The following CALB1 variants were observed in gnomAD, a reference collection of about 807,000 sequenced individuals.
The protein encoded by CALB1 is calbindin 1.
CALB1 carries 16 observed loss-of-function variants against 46.7 expected under a neutral mutation model. The observed-to-expected ratio is 0.34, with a 90% CI of 0.23 to 0.52. CALB1 has a LOEUF of 0.52. Among genes scored for constraint, CALB1 ranks in the 20% least tolerant of loss-of-function variants. The pLI is 0.95. For synonymous variants in CALB1, 90 were observed against 112.8 expected (o/e 0.80, Z 1.28); for missense variants, 224 against 300.3 (o/e 0.75, Z 1.88).
intron 6 of CALB1, 41 bp from the exon 7 acceptor site, chr8:90,063,502 A>T: frequency 6.6e-7 from 1 of 1,514,122 alleles, no homozygotes; most frequent in Non-Finnish European, 9.2e-7. Context: ...TTTGAGGAAT[A>T]ATTTATTGCA....
rs1432250162 is a variant in CALB1, at chr8:90,063,325, T to A, written c.507-5A>T. The A allele has an allele frequency of 1.3e-6, 2 of 1,593,098 alleles. No homozygotes were observed. Among genetic ancestry groups the A allele is most frequent in the African/African-American group, 2.7e-5 (2 of 74,166 alleles). ...TTCTCCTGCACTGGTAGTAACCTTT[T>A]GAGAGAAAAACATTATATTAATATA... On this transcript the variant is annotated splice_polypyrimidine_tract_variant and splice_region_variant and intron_variant, in intron 7 of 10. Transcript: ENST00000265431.
intron 3 of CALB1, among the ~76,000 whole-genome samples, chr8:90,077,521 T>G (rs1238418236): frequency 6.6e-6 from 1 of 152,052 alleles, no homozygotes; most frequent in African/African-American, 2.4e-5. Context: ...TTTCAAATTA[T>G]GACCTAATTA....
In CALB1 at chr8:90,060,906, C is replaced by G. The variant is rs1814286063; in HGVS notation, c.601-206G>C. 3 of 548,410 alleles carry G rather than the reference C, an allele frequency of 5.5e-6. No individual in the cohort carries two copies. In the East Asian group the frequency reaches 9.2e-5, roughly 17 times the overall value. The allele number at this position is 548,410 out of a possible 1,614,324, so 34.0% of individuals were successfully genotyped here. On this transcript the variant is annotated intron_variant, in intron 9 of 10. Transcript: ENST00000265431. ...TAGTTACTTCTCATTCAACACCTTA[C>G]ATTTGTAAAAGATCTTGAACTTTTC...
Position 90,060,138 on chromosome 8 carries a change from A to T in CALB1, c.*35T>A, listed in dbSNP as rs914509154. The T allele has an allele frequency of 5.1e-6, 6 of 1,165,610 alleles. No individual in the cohort carries two copies. The African/African-American group carries it at 7.5e-5, about 15-fold the overall frequency. 72.2% of individuals were successfully genotyped at this position (1,165,610 alleles called of 1,614,324 possible). A position where few individuals can be genotyped will look rare whatever the true frequency, so the allele number is the denominator to read the frequency against. On this transcript the variant is annotated 3_prime_UTR_variant, in exon 11 of 11. Transcript: ENST00000265431. ...TAGTGCACAGTTATTTTTTAGATAC[A>T]GTGTATCACTAGCAAGTGGTTGCGG...
chr8:90,068,849 A>T, intron 5 of CALB1, 149 bp downstream of exon 5: 1 of 564,344 alleles, frequency 1.8e-6, no homozygotes, highest in Non-Finnish European at 3.1e-6. Flanking sequence ...TTGATCTGGT[A>T]CTTCATTAAC....
chr8:90,065,382 A>G (rs1287961505), intron 6 of CALB1, among the ~76,000 whole-genome samples: 1 of 151,746 alleles, frequency 6.6e-6, no homozygotes, highest in Non-Finnish European at 1.5e-5. Context: ...GCACCAATAC[A>G]AAACCCCAAA....
intron 6 of CALB1, chr8:90,063,931 T>C (rs1031165140): frequency 3.9e-5 from 6 of 155,548 alleles, no homozygotes; most frequent in African/African-American, 9.7e-5. Context: ...TTATTTTCTA[T>C]TGGGTATTAG....
In CALB1 at chr8:90,060,211, T is replaced by C; in HGVS notation, c.748A>G (p.Thr250Ala). Residue 250 changes from threonine to alanine, a missense_variant, in exon 11 of 11, where the codon ACG (threonine) becomes GCG (alanine). Coordinates refer to ENST00000265431, the MANE Select transcript of CALB1 (RefSeq NM_004929.4). ...ALSDGGKLYRTDLALILCAGD... is the reference protein window; with the variant it reads ...ALSDGGKLYRADLALILCAGD... ...GCACAGAGAATAAGAGCAAGATCCG[T>C]TCGGTACAGCTTCCCTCCATCCGAC... 2.5e-6 allele frequency: 4 copies of C among 1,613,810 alleles called. No homozygotes were observed. The highest frequency in any genetic ancestry group is 3.4e-6 in the Non-Finnish European group (4 of 1,179,710).
Position 90,069,154 on chromosome 8 carries a change from C to T in CALB1, c.315G>A (p.Lys105=). The part of the protein sequence containing the change: ...QQLKSCEEFM[K]TWRKYDTDHS... ...TCTTAAAGGGGCAGCTTTCTTATAC[C>T]TTCATGAATTCCTCACAGGACTTCA... is the stretch of plus-strand genomic sequence containing the variant. The change falls in exon 4 of 11, where the codon AAG becomes AAA. Residue 105 remains lysine, a splice_region_variant and synonymous_variant. Coordinates refer to ENST00000265431, the MANE Select transcript of CALB1 (RefSeq NM_004929.4). 6.2e-7 allele frequency: 1 copy of T among 1,613,748 alleles called. No individual in the cohort carries two copies. Among genetic ancestry groups the T allele is most frequent in the Non-Finnish European group, 8.5e-7 (1 of 1,179,710 alleles).
intron 5 of CALB1, among the ~76,000 whole-genome samples, chr8:90,068,044 G>T (rs1000291553): frequency 4.6e-5 from 7 of 152,114 alleles, no homozygotes; most frequent in African/African-American, 1.7e-4. Flanking sequence ...AAAAAGTAGG[G>T]TCTTTCAGAT....
chr8:90,068,364 G>A (rs1814437348), intron 5 of CALB1, among the ~76,000 whole-genome samples: 1 of 152,152 alleles, frequency 6.6e-6, no homozygotes, highest in Non-Finnish European at 1.5e-5. Context: ...CTAAGTTGCA[G>A]TTTTTCAAAA....
At chr8:90,071,133 G>A (rs960851054) in intron 3 of CALB1, among the ~76,000 whole-genome samples, 1 of 152,150 alleles carries the variant, frequency 6.6e-6, no homozygotes, top group East Asian at 1.9e-4. Flanking sequence ...GCTTGTTGAA[G>A]ACAGTAATAG....
chr8:90,082,342 G>A lies in CALB1; in HGVS notation c.80-240C>T. The A allele has an allele frequency of 5.0e-6, 3 of 600,854 alleles. No homozygotes were observed. In the South Asian group the frequency reaches 6.2e-5, roughly 12 times the overall value. The allele number at this position is 600,854 out of a possible 1,614,324, so 37.2% of individuals were successfully genotyped here. The stretch of plus-strand genomic sequence containing the variant: ...AGCGCAGCCACAGAAACTTTGGGGG[G>A]GCAGCATTCCCCAATCCCTGCTCTC... On this transcript the variant is annotated intron_variant, in intron 1 of 10. Transcript: ENST00000265431.
chr8:90,073,945 G>T (rs184953540), intron 3 of CALB1, among the ~76,000 whole-genome samples: 44 of 152,228 alleles, frequency 2.9e-4, no homozygotes, highest in Admixed American at 4.6e-4. Context: ...GTGCACATGA[G>T]GCAGAATTCC....
intron 3 of CALB1, among the ~76,000 whole-genome samples, chr8:90,075,960 T>C (rs1814616492): frequency 6.6e-6 from 1 of 152,086 alleles, no homozygotes; most frequent in African/African-American, 2.4e-5. Flanking sequence ...AATGGGACCT[T>C]GGATACATCA....
chr8:90,063,241 T>C, intron 8 of CALB1, 40 bp downstream of exon 8: 2 of 1,558,754 alleles, frequency 1.3e-6, no homozygotes, highest in Non-Finnish European at 1.8e-6. Flanking sequence ...TTCTAGCTTT[T>C]CAAGGAAAAT....
chr8:90,062,377 A>G (rs1429107987), intron 9 of CALB1: 3 of 152,008 alleles, frequency 2.0e-5, no homozygotes, highest in Non-Finnish European at 2.9e-5. Context: ...ACAGCAAAGG[A>G]AACAATCAAC....
chr8:90,064,729 G>T lies in CALB1; in HGVS notation c.450+1169C>A, dbSNP rs77887099. Among the ~76,000 whole-genome samples the T allele has an allele frequency of 2.1e-3, 312 of 151,944 alleles. 1 individual carries two copies. Among genetic ancestry groups the T allele is most frequent in the African/African-American group, 7.2e-3 (299 of 41,538 alleles). On this transcript the variant is annotated intron_variant, in intron 6 of 10. Coordinates refer to ENST00000265431, the MANE Select transcript of CALB1 (RefSeq NM_004929.4). ...CATAGCAAGAAACTCTCCCCCATTT[G>T]TTTGCTAGTGCTATTGTAAGTGGAG...
At chr8:90,079,971 A>G (rs1338541032) in intron 2 of CALB1, among the ~76,000 whole-genome samples, 1 of 151,970 alleles carries the variant, frequency 6.6e-6, no homozygotes, top group Non-Finnish European at 1.5e-5. Context: ...AGAAATATAT[A>G]CAAGTAGGTT....
Sources: allele counts gnomAD v4.1 joint callset (sites outside exome capture counted in the v4.1 genomes callset), GRCh38; gene constraint gnomAD v4.1.1; transcripts MANE v1.5; gene names NCBI Gene and HGNC (gene_info 2026-07-23, HGNC 2026-07-21).